The following CFAP299 variants were observed in gnomAD, a reference collection of about 807,000 sequenced individuals.
CFAP299 encodes the protein cilia- and flagella-associated protein 299.
CFAP299 carries 21 observed loss-of-function variants against 27.0 expected under a neutral mutation model. That is an observed-to-expected ratio of 0.78 (90% CI 0.55 to 1.12). CFAP299 has a LOEUF of 1.12. Ranked by LOEUF, CFAP299 falls within the 50% of genes most tolerant of loss-of-function variation. CFAP299 has a pLI of 0.00. For synonymous variants in CFAP299, 104 were observed against 98.1 expected, an observed-to-expected ratio of 1.06 and a Z score of -0.36; for missense variants, 310 against 276.6, an observed-to-expected ratio of 1.12 and a Z score of -0.86.
intron 2 of CFAP299, among the ~76,000 whole-genome samples, chr4:80,406,977 G>T (rs192201742): frequency 5.9e-5 from 9 of 151,706 alleles, no homozygotes; most frequent in South Asian, 2.1e-4. Context: ...TTTCTACATG[G>T]TTTTTTTTAA....
chr4:80,788,443 G>A (rs948608901), intron 3 of CFAP299, among the ~76,000 whole-genome samples: 2 of 151,758 alleles, frequency 1.3e-5, no homozygotes, highest in Non-Finnish European at 2.9e-5. Flanking sequence ...GTCCATTTGA[G>A]GATTAAAATG....
chr4:80,521,399 T>C (rs191991852), intron 2 of CFAP299, among the ~76,000 whole-genome samples: 17 of 152,350 alleles, frequency 1.1e-4, no homozygotes, highest in Non-Finnish European at 1.9e-4. Context: ...TTTTATACTT[T>C]AATTTTATGA....
intron 3 of CFAP299, among the ~76,000 whole-genome samples, chr4:80,632,005 C>T (rs1196277421): frequency 6.6e-6 from 1 of 151,768 alleles, no homozygotes; most frequent in East Asian, 1.9e-4. Flanking sequence ...AAAAGAGGCC[C>T]CAGAGAGCTG....
At chr4:80,957,238 G>A (rs1221444119) in intron 5 of CFAP299, among the ~76,000 whole-genome samples, 2 of 152,060 alleles carry the variant, frequency 1.3e-5, no homozygotes, top group African/African-American at 2.4e-5. Context: ...TCTCTCCTGG[G>A]ACCCAGTAAT....
intron 3 of CFAP299, among the ~76,000 whole-genome samples, chr4:80,803,510 A>G (rs1728714657): frequency 6.6e-6 from 1 of 152,006 alleles, no homozygotes; most frequent in African/African-American, 2.4e-5. Flanking sequence ...AGGCACATCT[A>G]AAGCCCAGCT....
At chr4:80,846,514 A>T (rs980130626) in intron 3 of CFAP299, among the ~76,000 whole-genome samples, 1 of 152,196 alleles carries the variant, frequency 6.6e-6, no homozygotes, top group African/African-American at 2.4e-5. Flanking sequence ...ATGGGTTTTT[A>T]AATTCATAAT....
intron 3 of CFAP299, among the ~76,000 whole-genome samples, chr4:80,730,248 C>CTGTGTGTGTGTGTGTG: frequency 7.6e-6 from 1 of 130,880 alleles, no homozygotes; most frequent in Admixed American, 7.6e-5. Flanking sequence ...CTCTCTCTCT[C>CTGTGTGTGTGTGTGTG]TGTGTGTGTG....
intron 3 of CFAP299, among the ~76,000 whole-genome samples, chr4:80,844,508 C>T (rs1359005750): frequency 7.2e-5 from 11 of 152,080 alleles, no homozygotes; most frequent in South Asian, 2.1e-4. Flanking sequence ...TGGCCAGTGA[C>T]GATGAGCATT....
intron 3 of CFAP299, among the ~76,000 whole-genome samples, chr4:80,864,442 ATATATACC>A (rs1560452767): frequency 6.8e-6 from 1 of 146,528 alleles, no homozygotes; most frequent in Non-Finnish European, 1.5e-5. Context: ...ATATATATAT[ATATATACC>A]TATATAAGTA....
At chr4:80,420,695 T>G (rs1357809786) in intron 2 of CFAP299, among the ~76,000 whole-genome samples, 1 of 152,188 alleles carries the variant, frequency 6.6e-6, no homozygotes, top group African/African-American at 2.4e-5. Context: ...CTTGTCAATA[T>G]TTTCTCCCAG....
intron 3 of CFAP299, among the ~76,000 whole-genome samples, chr4:80,588,360 A>G (rs1169242868): frequency 6.6e-6 from 1 of 150,880 alleles, no homozygotes; most frequent in Non-Finnish European, 1.5e-5. Flanking sequence ...GTGCTCTAGA[A>G]CTACAGATGC....
Position 80,830,161 on chromosome 4 carries a change from T to C in CFAP299, c.334-39832T>C, listed in dbSNP as rs535767725. On this transcript the variant is annotated intron_variant, in intron 3 of 5. Transcript: ENST00000358105. ...ATTCCAGAGTGTGTTTTTCTTTTCA[T>C]AGATTGTCACAAAACTAAGAAAAGT... 7.9e-5 allele frequency among the ~76,000 whole-genome samples: 12 copies of C among 152,200 alleles called. No homozygotes were observed. In the South Asian group the frequency reaches 1.2e-3, roughly 16 times the overall value.
At chr4:80,491,182 G>A (rs6833553) in intron 2 of CFAP299, among the ~76,000 whole-genome samples, 23,138 of 151,952 alleles carry the variant, frequency 0.15, 2,640 homozygotes, top group African/African-American at 0.32. Flanking sequence ...CACATTTTAT[G>A]TAATGATTAT....
chr4:80,606,995 T>G (rs931949365), intron 3 of CFAP299, among the ~76,000 whole-genome samples: 20 of 152,280 alleles, frequency 1.3e-4, no homozygotes, highest in Middle Eastern at 3.4e-3. Context: ...CAGTAATGTT[T>G]GCAGAAGGAA....
In CFAP299 at chr4:80,656,794, T is replaced by A. The variant is rs79735558; in HGVS notation, c.333+73611T>A. 2.6e-5 allele frequency among the ~76,000 whole-genome samples: 4 copies of A among 152,312 alleles called. No individual in the cohort carries two copies. The East Asian group carries it at 5.8e-4, about 22-fold the overall frequency. ...CTTCTGGCTCTAGATCCTTGAGGAA[T>A]CACCACACTGTCTTCCATAATGGTT... On this transcript the variant is annotated intron_variant, in intron 3 of 5. Transcript: ENST00000358105.
intron 2 of CFAP299, among the ~76,000 whole-genome samples, chr4:80,425,195 A>T (rs1560561613): frequency 1.3e-5 from 2 of 152,158 alleles, no homozygotes; most frequent in Non-Finnish European, 2.9e-5. Context: ...GAGGAAATAG[A>T]TTAACTTAGT....
chr4:80,351,911 TATA>T (rs1179741034), intron 1 of CFAP299, among the ~76,000 whole-genome samples: 11 of 150,530 alleles, frequency 7.3e-5, no homozygotes, highest in Admixed American at 4.0e-4. Flanking sequence ...ATAATGTTAA[TATA>T]ATGTTAATTT....
At chr4:80,465,049 T>G (rs1330995166) in intron 2 of CFAP299, among the ~76,000 whole-genome samples, 1 of 152,172 alleles carries the variant, frequency 6.6e-6, no homozygotes, top group Non-Finnish European at 1.5e-5. Context: ...ATAATTTATA[T>G]AAGGATAAAT....
intron 3 of CFAP299, among the ~76,000 whole-genome samples, chr4:80,761,175 A>G (rs1226909766): frequency 6.6e-6 from 1 of 152,160 alleles, no homozygotes; most frequent in African/African-American, 2.4e-5. Context: ...CTCAAAACAG[A>G]TGTTTTAGAA....
Sources: allele counts gnomAD v4.1 joint callset (sites outside exome capture counted in the v4.1 genomes callset), GRCh38; gene constraint gnomAD v4.1.1; transcripts MANE v1.5; gene names NCBI Gene and HGNC (gene_info 2026-07-23, HGNC 2026-07-21).